The following TMEM196 variants were observed in gnomAD, a reference collection of about 807,000 sequenced individuals.
TMEM196 encodes the protein transmembrane protein 196.
Under a neutral mutation model 20.0 loss-of-function variants are expected in TMEM196, and 17 were observed. The observed-to-expected ratio is 0.85, with a 90% CI of 0.58 to 1.27. TMEM196 has a LOEUF of 1.27. Among genes scored for constraint, TMEM196 ranks in the 50% most tolerant of loss-of-function variants. The pLI, the probability that TMEM196 is intolerant of heterozygous loss-of-function variation, is 0.00. For missense variants in TMEM196, 267 were observed against 223.0 expected (o/e 1.20, Z -1.26); for synonymous variants, 113 against 88.9 (o/e 1.27, Z -1.52).
At chr7:19,765,486 T>G (rs1040640472) in intron 1 of TMEM196, among the ~76,000 whole-genome samples, 2 of 152,204 alleles carry the variant, frequency 1.3e-5, no homozygotes, top group Non-Finnish European at 2.9e-5. Flanking sequence ...AGTTCAAGTT[T>G]CTAAGATATT....
intron 1 of TMEM196, among the ~76,000 whole-genome samples, chr7:19,731,758 C>T (rs1366474563): frequency 6.6e-6 from 1 of 152,124 alleles, no homozygotes; most frequent in African/African-American, 2.4e-5. Context: ...TTTGTATTAT[C>T]TCACTTCAAT....
chr7:19,771,223 A>T (rs1178513178), intron 1 of TMEM196, among the ~76,000 whole-genome samples: 1 of 152,162 alleles, frequency 6.6e-6, no homozygotes, highest in Non-Finnish European at 1.5e-5. Context: ...TAATATATAC[A>T]TTGACAAAAA....
Position 19,720,266 on chromosome 7 carries a change from G to A in TMEM196, c.*1862C>T, listed in dbSNP as rs145006511. On this transcript the variant is annotated 3_prime_UTR_variant, in exon 5 of 5. Coordinates refer to ENST00000405844, the MANE Select transcript of TMEM196 (RefSeq NM_001363562.2). ...TCAAAAAGTGCACCAAACAAGCAGA[G>A]TCCAGTTATTTCTGTTGAATAGATG... 1 of 152,068 alleles carries A rather than the reference G, an allele frequency of 6.6e-6. No homozygotes were observed. The highest frequency in any genetic ancestry group is 2.4e-5 in the African/African-American group (1 of 41,556). 9.4% of individuals were successfully genotyped at this position (152,068 alleles called of 1,614,324 possible). A position where few individuals can be genotyped will look rare whatever the true frequency, so the allele number is the denominator to read the frequency against.
At chr7:19,727,164 A>G (rs779328338) in intron 2 of TMEM196, among the ~76,000 whole-genome samples, 10 of 152,204 alleles carry the variant, frequency 6.6e-5, no homozygotes. Context: ...CCCTGAGTGC[A>G]GCAGCTGCTG....
chr7:19,728,655 A>T (rs567430516), intron 2 of TMEM196, among the ~76,000 whole-genome samples: 19 of 152,296 alleles, frequency 1.2e-4, no homozygotes, highest in African/African-American at 3.4e-4. Flanking sequence ...AATTTTGCCA[A>T]TTTGTGTCTA....
At chr7:19,761,598 C>T (rs1785438527) in intron 1 of TMEM196, among the ~76,000 whole-genome samples, 1 of 151,974 alleles carries the variant, frequency 6.6e-6, no homozygotes, top group South Asian at 2.1e-4. Context: ...TAAGATGCAA[C>T]TATAGCAAAC....
intron 2 of TMEM196, among the ~76,000 whole-genome samples, chr7:19,728,836 A>C (rs753547905): frequency 6.6e-6 from 1 of 152,182 alleles, no homozygotes. Context: ...GAAACCCACT[A>C]TAGTACCATA....
At chr7:19,747,242 G>A (rs1466381790) in intron 1 of TMEM196, among the ~76,000 whole-genome samples, 2 of 143,616 alleles carry the variant, frequency 1.4e-5, no homozygotes, top group South Asian at 2.2e-4. Flanking sequence ...GCGACAGAGC[G>A]AGACTCCGTC....
chr7:19,725,636 T>A lies in TMEM196; in HGVS notation c.337A>T (p.Ile113Phe), dbSNP rs1783972310. The A allele has an allele frequency of 6.2e-7, 1 of 1,613,976 alleles. No individual in the cohort carries two copies. Among genetic ancestry groups the A allele is most frequent in the African/African-American group, 1.3e-5 (1 of 74,904 alleles). ...GAGAGAGTGCAGCCCCCGATCCCAA[T>A]GCACGCGAGAGACATGGAGGCAAGG... ...LHLASMSLACIGIGGCTLSSW... is the reference protein window; with the variant it reads ...LHLASMSLACFGIGGCTLSSW... Residue 113 changes from isoleucine (I) to phenylalanine (F), a missense_variant, in exon 3 of 5, where the codon ATT (isoleucine) becomes TTT (phenylalanine). By Grantham distance (21) the Ile-to-Phe change is conservative. Transcript: ENST00000405844.
intron 3 of TMEM196, among the ~76,000 whole-genome samples, chr7:19,725,092 T>C (rs1041590488): frequency 6.6e-6 from 1 of 152,208 alleles, no homozygotes; most frequent in Non-Finnish European, 1.5e-5. Context: ...AGCCCCTTTA[T>C]ACTTGAAGAT....
intron 1 of TMEM196, among the ~76,000 whole-genome samples, chr7:19,759,369 T>C (rs1164817928): frequency 6.6e-6 from 1 of 152,222 alleles, no homozygotes; most frequent in Non-Finnish European, 1.5e-5. Context: ...ACCTTTTTTC[T>C]GGTTCCTCAT....
Position 19,761,057 on chromosome 7 carries a change from T to A in TMEM196, c.147+11493A>T, listed in dbSNP as rs534401330. ...CAACGTTGACTTGGCCCCATCTTCA[T>A]AAGCCTAATCCCTGCAGGTCCCACT... is the stretch of plus-strand genomic sequence containing the variant. On this transcript the variant is annotated intron_variant, in intron 1 of 4. Coordinates refer to ENST00000405844, the MANE Select transcript of TMEM196 (RefSeq NM_001363562.2). Among the ~76,000 whole-genome samples, 6 of 152,296 alleles carry A rather than the reference T, an allele frequency of 3.9e-5. No individual in the cohort carries two copies. In the South Asian group the frequency reaches 1.2e-3, roughly 32 times the overall value.
Position 19,772,808 on chromosome 7 carries a change from C to A in TMEM196, c.-112G>T. 3.6e-6 allele frequency: 4 copies of A among 1,117,554 alleles called. No individual in the cohort carries two copies. The highest frequency in any genetic ancestry group is 4.6e-6 in the Non-Finnish European group (4 of 861,008). The allele number at this position is 1,117,554 out of a possible 1,614,324, so 69.2% of individuals were successfully genotyped here. On this transcript the variant is annotated 5_prime_UTR_variant, in exon 1 of 5. Coordinates refer to ENST00000405844, the MANE Select transcript of TMEM196 (RefSeq NM_001363562.2). ...CCCCCTACCAGATCCCAAAACTTTT[C>A]TTTCTTCAAGAGCGAGGCATTATCC...
chr7:19,722,061 C>A lies in TMEM196; in HGVS notation c.*67G>T. On this transcript the variant is annotated 3_prime_UTR_variant, in exon 5 of 5. Transcript: ENST00000405844. Reference sequence around the variant, plus strand: ...TGAAAATCCTAAAAAGTGTTCAATTCTTTAAAACATTGATTACACTCTTCC... The same window carrying A: ...TGAAAATCCTAAAAAGTGTTCAATTATTTAAAACATTGATTACACTCTTCC... 1.2e-6 allele frequency: 2 copies of A among 1,605,498 alleles called. No homozygotes were observed. The highest frequency in any genetic ancestry group is 2.3e-5 in the East Asian group (1 of 44,426).
chr7:19,765,386 T>C (rs1785586163), intron 1 of TMEM196, among the ~76,000 whole-genome samples: 2 of 152,142 alleles, frequency 1.3e-5, no homozygotes, highest in Admixed American at 1.3e-4. Context: ...AAGGTTATAA[T>C]AGTCATTATT....
At chr7:19,731,144 A>T (rs939308884) in intron 1 of TMEM196, among the ~76,000 whole-genome samples, 3 of 152,204 alleles carry the variant, frequency 2.0e-5, no homozygotes, top group African/African-American at 7.2e-5. Flanking sequence ...GGTCAAAAAC[A>T]TAACACTCAA....
chr7:19,730,675 C>G (rs75593930), intron 1 of TMEM196, among the ~76,000 whole-genome samples: 3,895 of 152,162 alleles, frequency 0.026, 76 homozygotes, highest in South Asian at 0.069. Context: ...TTTCCAAATA[C>G]ATATCAAAAT....
intron 1 of TMEM196, among the ~76,000 whole-genome samples, chr7:19,732,332 T>G (rs1013705022): frequency 6.6e-6 from 1 of 152,150 alleles, no homozygotes; most frequent in African/African-American, 2.4e-5. Flanking sequence ...CCCAGCATGT[T>G]GGGAGGCTGA....
At chr7:19,743,096 T>G (rs1784633201) in intron 1 of TMEM196, among the ~76,000 whole-genome samples, 1 of 152,110 alleles carries the variant, frequency 6.6e-6, no homozygotes, top group African/African-American at 2.4e-5. Context: ...TTTTGTGTAG[T>G]TTGTCTTTGA....
Sources: allele counts gnomAD v4.1 joint callset (sites outside exome capture counted in the v4.1 genomes callset), GRCh38; gene constraint gnomAD v4.1.1; transcripts MANE v1.5; gene names NCBI Gene and HGNC (gene_info 2026-07-23, HGNC 2026-07-21).